The following CLIP2 variants were observed in gnomAD, a reference collection of about 807,000 sequenced individuals.
CLIP2 encodes the protein CAP-Gly domain-containing linker protein 2.
Under a neutral mutation model 111.7 loss-of-function variants are expected in CLIP2, and 41 were observed. That is an observed-to-expected ratio of 0.37 (90% CI 0.29 to 0.48). The LOEUF is 0.48. Among genes scored for constraint, CLIP2 ranks in the 20% least tolerant of loss-of-function variants. CLIP2 has a pLI of 0.99. For missense variants in CLIP2, 1,160 were observed against 1,422.1 expected (o/e 0.82, Z 2.96); for synonymous variants, 660 against 644.2 (o/e 1.02, Z -0.37).
Position 74,375,868 on chromosome 7 carries a change from T to C in CLIP2, c.1486-19T>C. 1 of 1,490,436 alleles carries C rather than the reference T, an allele frequency of 6.7e-7. No homozygotes were observed. The allele number at this position is 1,490,436 out of a possible 1,614,324, so 92.3% of individuals were successfully genotyped here. A position where few individuals can be genotyped will look rare whatever the true frequency, so the allele number is the denominator to read the frequency against. On this transcript the variant is annotated intron_variant, in intron 9 of 16. Transcript: ENST00000223398. ...CAGCCAGCCAGCCCGCTGATCCCTG[T>C]CTCCCTCTCTCCCCACAGCTGACCA... is the stretch of plus-strand genomic sequence containing the variant.
intron 3 of CLIP2, among the ~76,000 whole-genome samples, chr7:74,339,466 C>G (rs1336554903): frequency 1.3e-5 from 2 of 151,842 alleles, no homozygotes; most frequent in Non-Finnish European, 2.9e-5. Flanking sequence ...CCACCACGCC[C>G]GGCTAATTTT....
At chr7:74,329,248 A>G (rs1789209389) in intron 2 of CLIP2, among the ~76,000 whole-genome samples, 1 of 151,716 alleles carries the variant, frequency 6.6e-6, no homozygotes, top group South Asian at 2.1e-4. Flanking sequence ...TTTTATAGAG[A>G]CAAAGTCTCG....
chr7:74,376,454 C>G lies in CLIP2; in HGVS notation c.2053C>G (p.Leu685Val). ...TAMHVKEKEA[L>V]REKLQEAQEE... ...CATGCACGTGAAGGAGAAGGAGGCC[C>G]TGCGAGAGAAGCTGCAGGAGGCCCA... is the stretch of plus-strand genomic sequence containing the variant. The change falls in exon 10 of 17, where the codon CTG (leucine) becomes GTG (valine). Residue 685 changes from leucine (L) to valine (V), a missense_variant. Around this residue, in one of 5 missense-constraint regions of CLIP2, gnomAD observed 676 missense variants for 777.8 expected, o/e 0.87. Transcript: ENST00000223398. The surrounding 1 kb of genome is among the most constrained non-coding windows in gnomAD (Gnocchi z 7.1). 1 of 1,613,848 alleles carries G rather than the reference C, an allele frequency of 6.2e-7. No individual in the cohort carries two copies. The highest frequency in any genetic ancestry group is 8.5e-7 in the Non-Finnish European group (1 of 1,179,956).
In CLIP2 at chr7:74,376,654, C is replaced by T. The variant is rs1790800885; in HGVS notation, c.2253C>T (p.Phe751=). ...GGGGCCAGGCGCAGGCTATCGAGTT[C>T]CTCAAGGAGCAGATCTCGCTGGCCG... The part of the protein sequence containing the change: ...EYRGQAQAIE[F]LKEQISLAEK... Residue 751 remains phenylalanine (F), a synonymous_variant, in exon 10 of 17, where the codon TTC becomes TTT. Transcript: ENST00000223398. The surrounding 1 kb of genome is among the most constrained non-coding windows in gnomAD (Gnocchi z 7.1). The T allele has an allele frequency of 1.9e-6, 3 of 1,613,422 alleles. No homozygotes were observed. The highest frequency in any genetic ancestry group is 2.5e-6 in the Non-Finnish European group (3 of 1,179,920).
chr7:74,320,521 CA>C (rs1788920609), intron 2 of CLIP2, among the ~76,000 whole-genome samples: 2 of 151,944 alleles, frequency 1.3e-5, no homozygotes, highest in Non-Finnish European at 2.9e-5. Context: ...GACCCTGACT[CA>C]AAAACAAAAC....
chr7:74,372,823 CCT>C (rs1177268334), intron 8 of CLIP2, 107 bp from the exon 9 acceptor site: 17,183 of 465,776 alleles, frequency 0.037, no homozygotes, highest in South Asian at 0.084. Context: ...GATGACGCCT[CCT>C]CTCTCTCTCT....
At position 74,334,823 on chromosome 7, in the gene CLIP2, CAAAAAAA is replaced by C. The variant is rs34044824; in HGVS notation, c.122-3615_122-3609del. ...GCAAAACCCCGTCTCTAATAAAATA[CAAAAAAA>C]AAAAAAAAATAGCCTGGTGTGCTGG... On this transcript the variant is annotated intron_variant, in intron 2 of 16. Coordinates refer to ENST00000223398, the MANE Select transcript of CLIP2 (RefSeq NM_003388.5). Among the ~76,000 whole-genome samples the C allele has an allele frequency of 6.3e-3, 838 of 133,052 alleles. 5 individuals carry two copies. Among genetic ancestry groups the C allele is most frequent in the African/African-American group, 0.023 (777 of 34,136 alleles). 87.3% of individuals were successfully genotyped at this position (133,052 alleles called of 152,430 possible). A position where few individuals can be genotyped will look rare whatever the true frequency, so the allele number is the denominator to read the frequency against.
chr7:74,377,126 C>T (rs1554313151), intron 10 of CLIP2, among the ~76,000 whole-genome samples: 1 of 152,084 alleles, frequency 6.6e-6, no homozygotes, highest in African/African-American at 2.4e-5. Flanking sequence ...TTTGATTTAC[C>T]CATACATGTC....
At position 74,397,067 on chromosome 7, in the gene CLIP2, C is replaced by T. The variant is rs1554316760; in HGVS notation, c.2721-7C>T. The T allele has an allele frequency of 1.2e-6, 2 of 1,613,034 alleles. No individual in the cohort carries two copies. Among genetic ancestry groups the T allele is most frequent in the Admixed American group, 3.3e-5 (2 of 59,870 alleles). The stretch of plus-strand genomic sequence containing the variant: ...GTGCAGTGGTTCTGTGCCCGCCTCA[C>T]CCCCAGGAGCCTGAACGAACTGCGG... On this transcript the variant is annotated splice_region_variant and splice_polypyrimidine_tract_variant and intron_variant, in intron 13 of 16. Transcript: ENST00000223398.
Position 74,295,989 on chromosome 7 carries a change from C to CAAAA in CLIP2, c.-68+6272_-68+6275dup, listed in dbSNP as rs368834820. 2.5e-3 allele frequency among the ~76,000 whole-genome samples: 180 copies of CAAAA among 70,928 alleles called. 2 individuals are homozygous for CAAAA. The highest frequency in any genetic ancestry group is 7.3e-3 in the African/African-American group (175 of 24,066). The allele number at this position is 70,928 out of a possible 152,430, so 46.5% of individuals were successfully genotyped here. A position where few individuals can be genotyped will look rare whatever the true frequency, so the allele number is the denominator to read the frequency against. On this transcript the variant is annotated intron_variant, in intron 1 of 16. Transcript: ENST00000223398. ...GGATGACAGAGTGAAACCCTGTCTC[C>CAAAA]AAAAAAAAAAAAAAAAAAAAGCGTT...
intron 1 of CLIP2, among the ~76,000 whole-genome samples, chr7:74,314,118 G>T (rs575366918): frequency 6.6e-6 from 1 of 151,032 alleles, no homozygotes; most frequent in Non-Finnish European, 1.5e-5. Flanking sequence ...GGAGATGGAG[G>T]TTGCAGTGAT....
intron 13 of CLIP2, among the ~76,000 whole-genome samples, chr7:74,393,807 A>C (rs538317746): frequency 6.6e-6 from 1 of 152,324 alleles, no homozygotes; most frequent in South Asian, 2.1e-4. Flanking sequence ...CAGGAAGGAA[A>C]CAGATGCGAT....
At chr7:74,353,762 C>T in intron 3 of CLIP2, 118 bp from the exon 4 acceptor site, 3 of 1,399,090 alleles carry the variant, frequency 2.1e-6, no homozygotes, top group Non-Finnish European at 2.0e-6. Flanking sequence ...CCACTCCTGG[C>T]TCCCGTGTCC....
intron 3 of CLIP2, among the ~76,000 whole-genome samples, chr7:74,343,010 G>A (rs1554305644): frequency 6.6e-6 from 1 of 150,644 alleles, no homozygotes; most frequent in Non-Finnish European, 1.5e-5. Context: ...ACTCCAGCCT[G>A]GATGACACAG....
At chr7:74,383,436 C>T (rs2116674329) in intron 11 of CLIP2, among the ~76,000 whole-genome samples, 1 of 152,252 alleles carries the variant, frequency 6.6e-6, no homozygotes, top group East Asian at 1.9e-4. Flanking sequence ...TTTAATTAGT[C>T]AAGCTTTGTC....
At chr7:74,365,949 G>A (rs1790462958) in intron 8 of CLIP2, among the ~76,000 whole-genome samples, 1 of 151,742 alleles carries the variant, frequency 6.6e-6, no homozygotes, top group Admixed American at 6.6e-5. Context: ...TAGAGGCTGG[G>A]TCTCACTATG....
At chr7:74,335,857 C>T (rs1789438514) in intron 2 of CLIP2, among the ~76,000 whole-genome samples, 1 of 151,778 alleles carries the variant, frequency 6.6e-6, no homozygotes, top group African/African-American at 2.4e-5. Flanking sequence ...ATTCTCCTGC[C>T]TCAGCCTCCT....
At chr7:74,312,783 C>G (rs1788674625) in intron 1 of CLIP2, among the ~76,000 whole-genome samples, 2 of 152,142 alleles carry the variant, frequency 1.3e-5, no homozygotes, top group Admixed American at 1.3e-4. Context: ...GTGGGCGCAC[C>G]CCGGCATGTC....
At chr7:74,379,154 A>G (rs1426916289) in intron 10 of CLIP2, among the ~76,000 whole-genome samples, 1 of 152,074 alleles carries the variant, frequency 6.6e-6, no homozygotes, top group Non-Finnish European at 1.5e-5. Flanking sequence ...ACCAAGAAGT[A>G]GTAGTGGCCC....
Sources: allele counts gnomAD v4.1 joint callset (sites outside exome capture counted in the v4.1 genomes callset), GRCh38; gene constraint gnomAD v4.1.1; regional missense constraint gnomAD v4.1.1; non-coding constraint Gnocchi (gnomAD v3.1); transcripts MANE v1.5; gene names NCBI Gene and HGNC (gene_info 2026-07-23, HGNC 2026-07-21).